KCNMA1: variants seen among roughly 807,000 people sequenced by gnomAD.
The protein encoded by KCNMA1 is Calcium-activated potassium channel subunit alpha-1.
In KCNMA1, 29 loss-of-function variants were observed where a neutral mutation model predicts 140.0. The observed-to-expected ratio is 0.21, with a 90% confidence interval of 0.15 to 0.28. The LOEUF is 0.28. KCNMA1 is among the 10% of genes least tolerant of loss of function. The pLI is 1.00. For synonymous variants in KCNMA1, 612 were observed against 611.9 expected, an observed-to-expected ratio of 1.00 and a Z score of 0.00; for missense variants, 880 against 1,602.2, an observed-to-expected ratio of 0.55 and a Z score of 7.70.
At chr10:76,909,108 C>A (rs2048990007) in intron 25 of KCNMA1, among the ~76,000 whole-genome samples, 1 of 152,238 alleles carries the variant, frequency 6.6e-6, no homozygotes, top group South Asian at 2.1e-4. Flanking sequence ...TCCAGCCAGG[C>A]CTTGCCTCCA....
intron 23 of KCNMA1, among the ~76,000 whole-genome samples, chr10:76,918,917 A>ACACACAC (rs772449037): frequency 3.2e-5 from 2 of 63,396 alleles, no homozygotes; most frequent in East Asian, 1.0e-3. Flanking sequence ...TATATATCAC[A>ACACACAC]TCACACACAC....
intron 1 of KCNMA1, among the ~76,000 whole-genome samples, chr10:77,449,826 T>C (rs1296033609): frequency 6.6e-6 from 1 of 151,990 alleles, no homozygotes; most frequent in Non-Finnish European, 1.5e-5. Context: ...GTATTTTTAG[T>C]AGAGACGGGG....
intron 1 of KCNMA1, among the ~76,000 whole-genome samples, chr10:77,622,408 C>T (rs1457936055): frequency 2.6e-5 from 4 of 152,186 alleles, no homozygotes; most frequent in Non-Finnish European, 5.9e-5. Flanking sequence ...GGATCCACAG[C>T]CCACCTGCCT....
chr10:77,137,568 C>G (rs1468373272), intron 5 of KCNMA1, among the ~76,000 whole-genome samples: 1 of 152,156 alleles, frequency 6.6e-6, no homozygotes, highest in Non-Finnish European at 1.5e-5. Flanking sequence ...CCAGCTTGGT[C>G]ACTGTGAGGA....
At chr10:77,466,451 T>C (rs967221149) in intron 1 of KCNMA1, among the ~76,000 whole-genome samples, 2 of 152,200 alleles carry the variant, frequency 1.3e-5, no homozygotes, top group Non-Finnish European at 2.9e-5. Context: ...ATTGAGAACC[T>C]ACTGCATGAG....
chr10:76,922,308 A>T (rs992113433), intron 23 of KCNMA1, among the ~76,000 whole-genome samples: 1 of 152,224 alleles, frequency 6.6e-6, no homozygotes, highest in Non-Finnish European at 1.5e-5. Flanking sequence ...AGTTAGCAGC[A>T]GAACCAGGAT....
intron 1 of KCNMA1, among the ~76,000 whole-genome samples, chr10:77,504,136 T>C (rs1318322877): frequency 2.0e-5 from 3 of 152,196 alleles, no homozygotes; most frequent in Non-Finnish European, 4.4e-5. Context: ...GGCAAGAATG[T>C]GTTTCTTACA....
intron 1 of KCNMA1, among the ~76,000 whole-genome samples, chr10:77,461,977 T>G (rs1469291128): frequency 2.0e-5 from 3 of 151,918 alleles, no homozygotes; most frequent in Non-Finnish European, 4.4e-5. Context: ...CAGCCCAAAG[T>G]ACCATGCTCA....
intron 1 of KCNMA1, among the ~76,000 whole-genome samples, chr10:77,540,616 A>T (rs1445938504): frequency 6.6e-6 from 1 of 152,230 alleles, no homozygotes; most frequent in Admixed American, 6.5e-5. Context: ...ATTGTGCTGA[A>T]TATTTTGAAT....
intron 5 of KCNMA1, among the ~76,000 whole-genome samples, chr10:77,175,351 A>G (rs2098743715): frequency 6.6e-6 from 1 of 152,252 alleles, no homozygotes; most frequent in African/African-American, 2.4e-5. Flanking sequence ...ATATTAACTC[A>G]GAGAATGACT....
At chr10:76,980,045 C>T (rs924568701) in intron 19 of KCNMA1, 1 of 152,068 alleles carries the variant, frequency 6.6e-6, no homozygotes, top group Non-Finnish European at 1.5e-5. Flanking sequence ...ATAATTTATC[C>T]TCGGACACAT....
At chr10:77,636,499 G>A (rs1339079326) in intron 1 of KCNMA1, 1 of 1,536,166 alleles carries the variant, frequency 6.5e-7, no homozygotes, top group African/African-American at 1.4e-5. Flanking sequence ...CATTTCCGGG[G>A]ACCCAAAGTG....
chr10:77,526,821 CCTCTCTCT>C (rs148574395), intron 1 of KCNMA1, among the ~76,000 whole-genome samples: 1 of 149,894 alleles, frequency 6.7e-6, no homozygotes, highest in Non-Finnish European at 1.5e-5. Context: ...GTTTCCTTCT[CCTCTCTCT>C]CTCTCTCTCT....
intron 20 of KCNMA1, among the ~76,000 whole-genome samples, chr10:76,960,780 C>T (rs1324569051): frequency 6.6e-6 from 1 of 151,904 alleles, no homozygotes; most frequent in Non-Finnish European, 1.5e-5. Flanking sequence ...TGCATTAGTT[C>T]CAACAAGAAT....
intron 1 of KCNMA1, among the ~76,000 whole-genome samples, chr10:77,499,986 C>T (rs143587723): frequency 6.6e-5 from 10 of 151,890 alleles, no homozygotes; most frequent in East Asian, 1.9e-4. Context: ...ATTTATCTTA[C>T]GTGGCAAGGA....
At position 77,120,331 on chromosome 10, in the gene KCNMA1, GT is replaced by G. The variant is rs201762794; in HGVS notation, c.884+641del. 8.3e-3 allele frequency among the ~76,000 whole-genome samples: 1,263 copies of G among 152,290 alleles called. 24 individuals are homozygous for G. The highest frequency in any genetic ancestry group is 0.029 in the African/African-American group (1,209 of 41,540). On this transcript the variant is annotated intron_variant, in intron 6 of 27. Coordinates refer to ENST00000286628, the MANE Select transcript of KCNMA1 (RefSeq NM_001161352.2). ...TCTGGGGGCTTTTCCTCCTGGTCCA[GT>G]TGTGTTTTCCAGATCATAACGCAGT...
chr10:77,455,145 A>G (rs2097736582), intron 1 of KCNMA1, among the ~76,000 whole-genome samples: 1 of 152,184 alleles, frequency 6.6e-6, no homozygotes, highest in African/African-American at 2.4e-5. Flanking sequence ...ACAGATATTT[A>G]CTGAGTACCT....
intron 1 of KCNMA1, among the ~76,000 whole-genome samples, chr10:77,633,638 C>T (rs867204664): frequency 2.0e-4 from 30 of 152,192 alleles, no homozygotes; most frequent in African/African-American, 4.3e-4. Context: ...ATATTAGTCA[C>T]GAGCCTGACA....
chr10:77,503,171 G>A (rs1231642522), intron 1 of KCNMA1, among the ~76,000 whole-genome samples: 3 of 152,208 alleles, frequency 2.0e-5, no homozygotes, highest in Non-Finnish European at 2.9e-5. Context: ...GGGTTAAAAT[G>A]TTGCAGGGAT....
Sources: allele counts gnomAD v4.1 joint callset (sites outside exome capture counted in the v4.1 genomes callset), GRCh38; gene constraint gnomAD v4.1.1; transcripts MANE v1.5; gene names NCBI Gene and HGNC (gene_info 2026-07-23, HGNC 2026-07-21).